Variants in SNTG1 observed in about 807,000 individuals in gnomAD.
SNTG1 encodes gamma-1-syntrophin.
A neutral mutation model predicts 74.7 loss-of-function variants in SNTG1; 39 were observed. The ratio of observed to expected loss-of-function variants is 0.52; its 90% confidence interval spans 0.40 to 0.68. SNTG1 has a LOEUF of 0.68. SNTG1 is among the 30% of genes least tolerant of loss of function. SNTG1 has a pLI of 0.00. For missense variants in SNTG1, 685 were observed against 609.5 expected (o/e 1.12, Z -1.30); for synonymous variants, 254 against 217.1 (o/e 1.17, Z -1.49).
chr8:50,400,717 A>C (rs2092792359), intron 3 of SNTG1, among the ~76,000 whole-genome samples: 1 of 152,052 alleles, frequency 6.6e-6, no homozygotes. Flanking sequence ...GTGGTATTAC[A>C]TTGTGGTTTT....
At chr8:50,498,259 T>C (rs1269406567) in intron 8 of SNTG1, among the ~76,000 whole-genome samples, 2 of 151,898 alleles carry the variant, frequency 1.3e-5, no homozygotes, top group Non-Finnish European at 2.9e-5. Context: ...CTCCAAAACC[T>C]TACACACACT....
At chr8:50,785,989 G>C (rs1350554766) in intron 18 of SNTG1, among the ~76,000 whole-genome samples, 2 of 151,866 alleles carry the variant, frequency 1.3e-5, no homozygotes, top group Non-Finnish European at 2.9e-5. Flanking sequence ...AGAAAACTAA[G>C]TATTGAAGGA....
intron 2 of SNTG1, among the ~76,000 whole-genome samples, chr8:50,195,122 G>C (rs946999191): frequency 2.0e-5 from 3 of 152,070 alleles, no homozygotes; most frequent in Admixed American, 6.6e-5. Flanking sequence ...TGCTGTGGCT[G>C]CTGTGGAGAA....
chr8:50,149,109 A>G (rs916230516), intron 1 of SNTG1, among the ~76,000 whole-genome samples: 2 of 152,202 alleles, frequency 1.3e-5, no homozygotes, highest in Admixed American at 6.5e-5. Flanking sequence ...GTGAGATGGT[A>G]TCTCATTGGA....
intron 1 of SNTG1, among the ~76,000 whole-genome samples, chr8:50,050,562 A>G (rs572360280): frequency 1.3e-5 from 2 of 152,078 alleles, no homozygotes; most frequent in Non-Finnish European, 2.9e-5. Context: ...AAACTTCCCA[A>G]ATAAAATCCT....
chr8:50,425,007 A>G (rs1405435759), intron 4 of SNTG1, among the ~76,000 whole-genome samples: 2 of 152,296 alleles, frequency 1.3e-5, no homozygotes, highest in South Asian at 4.1e-4. Context: ...AGCATTGTTT[A>G]TGAGAAATCA....
chr8:50,353,248 C>T (rs368976002), intron 2 of SNTG1, among the ~76,000 whole-genome samples: 16 of 109,570 alleles, frequency 1.5e-4, no homozygotes, highest in African/African-American at 5.9e-4. Context: ...CACACTGGGG[C>T]CTGTCATGAG....
intron 2 of SNTG1, among the ~76,000 whole-genome samples, chr8:50,335,703 C>T (rs988550768): frequency 2.2e-4 from 33 of 152,280 alleles, no homozygotes; most frequent in African/African-American, 7.7e-4. Context: ...CACTTGGATA[C>T]TCCAGGGTAA....
intron 2 of SNTG1, among the ~76,000 whole-genome samples, chr8:50,239,674 A>T (rs2086081527): frequency 2.0e-5 from 3 of 152,140 alleles, no homozygotes; most frequent in Admixed American, 2.0e-4. Flanking sequence ...GGATTGTTGC[A>T]GTGTGTGGTT....
At chr8:50,243,568 T>C (rs915161876) in intron 2 of SNTG1, among the ~76,000 whole-genome samples, 1 of 152,200 alleles carries the variant, frequency 6.6e-6, no homozygotes, top group Non-Finnish European at 1.5e-5. Flanking sequence ...ATTAACCATT[T>C]TTAAACATCT....
chr8:50,305,761 T>C (rs780518831), intron 2 of SNTG1, among the ~76,000 whole-genome samples: 46 of 152,198 alleles, frequency 3.0e-4, no homozygotes, highest in African/African-American at 1.1e-3. Flanking sequence ...AGTTTAAGGT[T>C]CAATGAATTG....
intron 17 of SNTG1, among the ~76,000 whole-genome samples, chr8:50,737,982 C>T (rs2095533220): frequency 1.3e-5 from 2 of 152,032 alleles, no homozygotes; most frequent in African/African-American, 4.8e-5. Flanking sequence ...GGAAGCATTC[C>T]CTTTGAAAAC....
chr8:50,438,448 GC>G (rs1232471411), intron 4 of SNTG1, 94 bp from the exon 5 acceptor site: 28 of 997,648 alleles, frequency 2.8e-5, no homozygotes, highest in Non-Finnish European at 4.3e-5. Flanking sequence ...AAGAGCAAAA[GC>G]AAAACCCAGA....
chr8:50,250,112 TAA>T (rs1395116310), intron 2 of SNTG1, among the ~76,000 whole-genome samples: 1 of 150,710 alleles, frequency 6.6e-6, no homozygotes, highest in Non-Finnish European at 1.5e-5. Flanking sequence ...AAAAATGTAA[TAA>T]AGAGATAGAT....
At chr8:50,552,247 T>C (rs377051047) in intron 11 of SNTG1, among the ~76,000 whole-genome samples, 1 of 152,184 alleles carries the variant, frequency 6.6e-6, no homozygotes, top group South Asian at 2.1e-4. Context: ...ATTAAGTTTA[T>C]ATCTAAACAT....
chr8:50,424,631 A>G (rs2093138927), intron 4 of SNTG1, among the ~76,000 whole-genome samples: 1 of 152,218 alleles, frequency 6.6e-6, no homozygotes, highest in South Asian at 2.1e-4. Flanking sequence ...ATTAGCTGAC[A>G]TGGGAACAGG....
intron 2 of SNTG1, among the ~76,000 whole-genome samples, chr8:50,253,052 CAGGGG>C (rs1284236429): frequency 6.6e-6 from 1 of 152,106 alleles, no homozygotes; most frequent in East Asian, 1.9e-4. Context: ...GATGTAGAGA[CAGGGG>C]AACATTTACA....
Position 50,795,259 on chromosome 8 carries a change from A to G in SNTG1, c.*2430A>G, listed in dbSNP as rs1273214976. On this transcript the variant is annotated 3_prime_UTR_variant, in exon 19 of 19. Coordinates refer to ENST00000642720, the MANE Select transcript of SNTG1 (RefSeq NM_018967.5). ...GTGATTTTTATTTAACATGATTAGT[A>G]CAACAGCCAAAAAGTAACAAAATAC... 6.6e-6 allele frequency: 1 copy of G among 152,072 alleles called. No homozygotes were observed. Among genetic ancestry groups the G allele is most frequent in the Non-Finnish European group, 1.5e-5 (1 of 67,978 alleles). The allele number at this position is 152,072 out of a possible 1,614,324, so 9.4% of individuals were successfully genotyped here.
chr8:50,285,269 C>T (rs769780481), intron 2 of SNTG1, among the ~76,000 whole-genome samples: 5 of 152,146 alleles, frequency 3.3e-5, no homozygotes, highest in Non-Finnish European at 2.9e-5. Flanking sequence ...TATCCACACA[C>T]TGCCAATGGT....
Sources: gnomAD v4.1 joint callset for allele counts (sites outside exome capture counted in the v4.1 genomes callset) on GRCh38, gnomAD v4.1.1 for gene constraint, MANE v1.5 for transcripts, NCBI Gene and HGNC (gene_info 2026-07-23, HGNC 2026-07-21) for gene names.